Variants in CD2AP observed in about 807,000 individuals in gnomAD.
The protein encoded by CD2AP is CD2 associated protein.
A neutral mutation model predicts 85.1 loss-of-function variants in CD2AP; 46 were observed. The ratio of observed to expected loss-of-function variants is 0.54; its 90% confidence interval spans 0.43 to 0.69. The LOEUF is 0.69. CD2AP is among the 30% of genes least tolerant of loss of function. The pLI, the probability that CD2AP is intolerant of heterozygous loss-of-function variation, is 0.00. For synonymous variants in CD2AP, 255 were observed against 252.9 expected, an observed-to-expected ratio of 1.01 and a Z score of -0.08; for missense variants, 769 against 729.5, an observed-to-expected ratio of 1.05 and a Z score of -0.62.
chr6:47,522,634 T>G (rs1766626325), intron 2 of CD2AP, among the ~76,000 whole-genome samples: 1 of 152,122 alleles, frequency 6.6e-6, no homozygotes, highest in African/African-American at 2.4e-5. Context: ...AATTACCCAG[T>G]AAGTTTTTCA....
chr6:47,515,963 G>T (rs79623570), intron 2 of CD2AP, among the ~76,000 whole-genome samples: 2,371 of 152,146 alleles, frequency 0.016, 43 homozygotes, highest in African/African-American at 0.038. Flanking sequence ...AAAAATACAG[G>T]TAATTAGAAA....
In CD2AP at chr6:47,544,690, T is replaced by G; in HGVS notation, c.404T>G (p.Ile135Ser). 1 of 1,605,910 alleles carries G rather than the reference T, an allele frequency of 6.2e-7. No individual in the cohort carries two copies. Among genetic ancestry groups the G allele is most frequent in the Non-Finnish European group, 8.5e-7 (1 of 1,172,772 alleles). ...CTGGAGCTGAAAGTGGGAGATATTA[T>G]TGATATTAATGAAGAGGTAAGGAAA... ...DELELKVGDI[I>S]DINEEVEEGW... The change falls in exon 4 of 18, where the codon ATT (isoleucine) becomes AGT (serine). Residue 135 changes from isoleucine to serine, a missense_variant. Coordinates refer to ENST00000359314, the MANE Select transcript of CD2AP (RefSeq NM_012120.3).
rs1449873093 is a variant in CD2AP at position 47,625,385 on chromosome 6, T to C, written c.*1158T>C. 1 of 151,936 alleles carries C rather than the reference T, an allele frequency of 6.6e-6. No homozygotes were observed. Among genetic ancestry groups the C allele is most frequent in the Non-Finnish European group, 1.5e-5 (1 of 67,794 alleles). 9.4% of individuals were successfully genotyped at this position (151,936 alleles called of 1,614,324 possible). ...AAGAATGTTAGTATGTCATAAAATA[T>C]AACATTACAGCTTATTTAAAACCAA... is the stretch of plus-strand genomic sequence containing the variant. On this transcript the variant is annotated 3_prime_UTR_variant, in exon 18 of 18. Transcript: ENST00000359314.
At chr6:47,539,691 G>A (rs531870858) in intron 3 of CD2AP, among the ~76,000 whole-genome samples, 6 of 152,218 alleles carry the variant, frequency 3.9e-5, no homozygotes, top group African/African-American at 1.4e-4. Context: ...TTAATGCTTT[G>A]TTGTGTGGGA....
At chr6:47,618,276 T>G (rs1769650888) in intron 17 of CD2AP, among the ~76,000 whole-genome samples, 1 of 152,102 alleles carries the variant, frequency 6.6e-6, no homozygotes, top group Non-Finnish European at 1.5e-5. Flanking sequence ...GCCGATATCA[T>G]GCCACTGCAC....
rs765703913 is a variant in CD2AP at position 47,624,229 on chromosome 6, TG to T, written c.*4del. The T allele has an allele frequency of 1.2e-6, 2 of 1,610,566 alleles. No homozygotes were observed. On this transcript the variant is annotated 3_prime_UTR_variant, in exon 18 of 18. Coordinates refer to ENST00000359314, the MANE Select transcript of CD2AP (RefSeq NM_012120.3). Reference sequence around the variant, plus strand: ...AAAAAAGCTGTCCTGTCTTCTTGAGTGGTGTGGACCTGGTGTTCATAATGTT... The same window carrying T: ...AAAAAAGCTGTCCTGTCTTCTTGAGTGTGTGGACCTGGTGTTCATAATGTT...
At chr6:47,606,781 A>G (rs1200192628) in intron 14 of CD2AP, among the ~76,000 whole-genome samples, 2 of 152,102 alleles carry the variant, frequency 1.3e-5, no homozygotes, top group African/African-American at 4.8e-5. Flanking sequence ...TAAATGCGGT[A>G]TCCATCACGT....
intron 4 of CD2AP, among the ~76,000 whole-genome samples, chr6:47,547,082 T>G (rs1216336817): frequency 6.6e-6 from 1 of 152,104 alleles, no homozygotes. Flanking sequence ...CTTTGAAGCA[T>G]AAATCTCACA....
At chr6:47,558,249 A>G (rs2114069215) in intron 5 of CD2AP, among the ~76,000 whole-genome samples, 1 of 152,304 alleles carries the variant, frequency 6.6e-6, no homozygotes, top group South Asian at 2.1e-4. Flanking sequence ...TGTTTTCTAA[A>G]TATACAATCA....
chr6:47,536,509 A>G (rs1767049826), intron 3 of CD2AP, among the ~76,000 whole-genome samples: 1 of 152,178 alleles, frequency 6.6e-6, no homozygotes, highest in African/African-American at 2.4e-5. Context: ...TCAAATAAGT[A>G]TAATGATGTT....
intron 2 of CD2AP, among the ~76,000 whole-genome samples, chr6:47,527,937 A>G (rs1766771611): frequency 6.6e-6 from 1 of 152,200 alleles, no homozygotes; most frequent in Admixed American, 6.5e-5. Flanking sequence ...ATACCTGTAA[A>G]TATATATTTG....
chr6:47,575,186 A>G (rs1768272933), intron 6 of CD2AP, among the ~76,000 whole-genome samples: 1 of 152,114 alleles, frequency 6.6e-6, no homozygotes, highest in South Asian at 2.1e-4. Context: ...TGTGGGGTCA[A>G]ATTGATTCTT....
At position 47,610,971 on chromosome 6, in the gene CD2AP, A is replaced by ATATATATATATATTT; in HGVS notation, c.1815-1501_1815-1500insATATATATATATTTT. Among the ~76,000 whole-genome samples, 117 of 112,854 alleles carry ATATATATATATATTT rather than the reference A, an allele frequency of 1.0e-3. 2 individuals carry two copies. The highest frequency in any genetic ancestry group is 5.3e-3 in the Middle Eastern group (1 of 188). 74.0% of individuals were successfully genotyped at this position (112,854 alleles called of 152,430 possible). A position where few individuals can be genotyped will look rare whatever the true frequency, so the allele number is the denominator to read the frequency against. ...GATTTATATATATATATATATATGT[A>ATATATATATATATTT]TTTTTTTTTTTTTTTGAATATAAAA... is the stretch of plus-strand genomic sequence containing the variant. On this transcript the variant is annotated intron_variant, in intron 16 of 17. Transcript: ENST00000359314.
chr6:47,592,778 A>T (rs746656181), intron 11 of CD2AP, among the ~76,000 whole-genome samples: 1 of 152,122 alleles, frequency 6.6e-6, no homozygotes, highest in African/African-American at 2.4e-5. Flanking sequence ...TGGAGAAGTT[A>T]CGGAAACTCT....
intron 17 of CD2AP, among the ~76,000 whole-genome samples, chr6:47,623,570 T>C (rs1769820137): frequency 6.6e-6 from 1 of 152,194 alleles, no homozygotes; most frequent in Non-Finnish European, 1.5e-5. Context: ...GCAAACTTAA[T>C]GAAATGATCT....
At chr6:47,600,530 A>G (rs1475912018) in intron 13 of CD2AP, among the ~76,000 whole-genome samples, 1 of 151,870 alleles carries the variant, frequency 6.6e-6, no homozygotes, top group South Asian at 2.1e-4. Flanking sequence ...TGAACATCTT[A>G]TAGATCCTTT....
chr6:47,604,220 T>C (rs1214276962), intron 13 of CD2AP, among the ~76,000 whole-genome samples: 1 of 152,106 alleles, frequency 6.6e-6, no homozygotes, highest in Non-Finnish European at 1.5e-5. Context: ...GTGTACAGTG[T>C]AAATCCATTG....
At chr6:47,595,605 A>G (rs1201396607) in intron 11 of CD2AP, among the ~76,000 whole-genome samples, 2 of 152,116 alleles carry the variant, frequency 1.3e-5, no homozygotes, top group Non-Finnish European at 2.9e-5. Flanking sequence ...AATAAAAAGC[A>G]GGCATTATCT....
intron 11 of CD2AP, among the ~76,000 whole-genome samples, chr6:47,589,118 G>C (rs900667248): frequency 6.6e-6 from 1 of 152,054 alleles, no homozygotes; most frequent in Non-Finnish European, 1.5e-5. Flanking sequence ...GAGATAGGAA[G>C]TATGGAATAG....
Sources: allele counts gnomAD v4.1 joint callset (sites outside exome capture counted in the v4.1 genomes callset), GRCh38; gene constraint gnomAD v4.1.1; transcripts MANE v1.5; gene names NCBI Gene and HGNC (gene_info 2026-07-23, HGNC 2026-07-21).